The following PCDH15 variants were observed in gnomAD, a reference collection of about 807,000 sequenced individuals.
The protein encoded by PCDH15 is protocadherin-15.
A neutral mutation model predicts 178.5 loss-of-function variants in PCDH15; 129 were observed. The observed-to-expected ratio is 0.72, with a 90% CI of 0.63 to 0.84. The LOEUF is 0.84. Ranked by LOEUF, PCDH15 falls within the 40% of genes least tolerant of loss-of-function variation. PCDH15 has a pLI of 0.00. For missense variants in PCDH15, 2,230 were observed against 2,099.9 expected, an observed-to-expected ratio of 1.06 and a Z score of -1.21; for synonymous variants, 800 against 732.0, an observed-to-expected ratio of 1.09 and a Z score of -1.50.
chr10:54,062,592 T>C lies in PCDH15; in HGVS notation c.2220+4165A>G, dbSNP rs566134451. On this transcript the variant is annotated intron_variant, in intron 18 of 37. Transcript: ENST00000644397. ...GATGTCTTCCTCTTCCTTTTTGCTTTCAACATCGTTTTAGTTTTTATGAAA... is the reference window on the plus strand; with the variant it reads ...GATGTCTTCCTCTTCCTTTTTGCTTCCAACATCGTTTTAGTTTTTATGAAA... Among the ~76,000 whole-genome samples the C allele has an allele frequency of 2.0e-5, 3 of 152,248 alleles. No individual in the cohort carries two copies. In the South Asian group the frequency reaches 6.2e-4, roughly 32 times the overall value.
chr10:54,631,028 A>T (rs1164240841), intron 2 of PCDH15, among the ~76,000 whole-genome samples: 2 of 152,184 alleles, frequency 1.3e-5, no homozygotes, highest in Non-Finnish European at 2.9e-5. Flanking sequence ...TATACTTTGA[A>T]TATATGTCCC....
intron 2 of PCDH15, among the ~76,000 whole-genome samples, chr10:55,560,260 C>T (rs530268988): frequency 6.6e-6 from 1 of 151,992 alleles, no homozygotes; most frequent in East Asian, 1.9e-4. Flanking sequence ...GAACACAAAG[C>T]AGCACTTGAT....
intron 6 of PCDH15, among the ~76,000 whole-genome samples, chr10:54,345,465 G>T (rs1007173611): frequency 7.9e-5 from 12 of 152,048 alleles, no homozygotes; most frequent in Non-Finnish European, 1.6e-4. Flanking sequence ...TGCTTTGGGG[G>T]GCCCGTGGGA....
intron 25 of PCDH15, among the ~76,000 whole-genome samples, chr10:53,918,269 T>C (rs892618364): frequency 2.0e-5 from 3 of 152,176 alleles, no homozygotes; most frequent in Admixed American, 2.0e-4. Context: ...ATAGGTATTT[T>C]CATTCTGCTT....
intron 11 of PCDH15, among the ~76,000 whole-genome samples, chr10:54,194,869 C>G (rs1421879143): frequency 6.6e-6 from 1 of 152,092 alleles, no homozygotes; most frequent in Non-Finnish European, 1.5e-5. Flanking sequence ...AAGACAGGCA[C>G]TCAATGGGAC....
At chr10:54,374,164 G>A (rs1309920602) in intron 4 of PCDH15, among the ~76,000 whole-genome samples, 2 of 152,010 alleles carry the variant, frequency 1.3e-5, no homozygotes, top group African/African-American at 2.4e-5. Context: ...GTTTATATGA[G>A]TGATGACTAA....
chr10:55,220,264 T>C (rs1564903979), intron 1 of PCDH15, among the ~76,000 whole-genome samples: 1 of 152,150 alleles, frequency 6.6e-6, no homozygotes, highest in African/African-American at 2.4e-5. Flanking sequence ...GATAACCTGA[T>C]GTTTCCATAT....
At chr10:54,714,084 C>CT (rs1566013739) in intron 1 of PCDH15, among the ~76,000 whole-genome samples, 1 of 152,054 alleles carries the variant, frequency 6.6e-6, no homozygotes, top group East Asian at 1.9e-4. Context: ...GTAGCAGCCC[C>CT]TTTATTCTTC....
intron 3 of PCDH15, among the ~76,000 whole-genome samples, chr10:54,853,376 T>TAC (rs1413349084): frequency 8.2e-6 from 1 of 122,142 alleles, no homozygotes; most frequent in Non-Finnish European, 1.6e-5. Flanking sequence ...CATATATATA[T>TAC]ACACATACAT....
chr10:55,573,232 C>CAA (rs1371748418), intron 2 of PCDH15, among the ~76,000 whole-genome samples: 1 of 151,964 alleles, frequency 6.6e-6, no homozygotes, highest in African/African-American at 2.4e-5. Flanking sequence ...GTTAAAGCAA[C>CAA]AAAGGTAAAT....
intron 1 of PCDH15, among the ~76,000 whole-genome samples, chr10:54,729,146 A>T (rs1261691798): frequency 6.6e-6 from 1 of 151,820 alleles, no homozygotes; most frequent in Non-Finnish European, 1.5e-5. Flanking sequence ...AGTTGAAAGC[A>T]TCACACTACC....
At chr10:54,134,752 C>CA (rs1483094751) in intron 14 of PCDH15, among the ~76,000 whole-genome samples, 1,738 of 128,788 alleles carry the variant, frequency 0.013, 37 homozygotes, top group African/African-American at 0.048. Context: ...GACTCCGTCT[C>CA]AAAAAAAGAA....
At chr10:55,486,451 AT>A (rs1312794675) in intron 2 of PCDH15, among the ~76,000 whole-genome samples, 8 of 138,018 alleles carry the variant, frequency 5.8e-5, no homozygotes, top group Non-Finnish European at 9.4e-5. Context: ...AAATATAATA[AT>A]TTATATGTTG....
At chr10:54,896,940 A>G (rs531237820) in intron 3 of PCDH15, among the ~76,000 whole-genome samples, 2 of 152,314 alleles carry the variant, frequency 1.3e-5, no homozygotes, top group South Asian at 4.1e-4. Flanking sequence ...GAGAATAAAG[A>G]GCCATACACA....
chr10:54,410,490 T>G (rs953385266), intron 3 of PCDH15, among the ~76,000 whole-genome samples: 8 of 152,176 alleles, frequency 5.3e-5, no homozygotes, highest in African/African-American at 1.9e-4. Context: ...TAGTTGGGAA[T>G]ATTCTAACAG....
At chr10:55,374,656 T>C (rs993142728) in intron 2 of PCDH15, among the ~76,000 whole-genome samples, 3 of 152,024 alleles carry the variant, frequency 2.0e-5, no homozygotes, top group African/African-American at 7.2e-5. Flanking sequence ...TATTAGTATA[T>C]GTAAAAATAA....
chr10:55,615,586 T>C (rs996700634), intron 2 of PCDH15, among the ~76,000 whole-genome samples: 1 of 152,012 alleles, frequency 6.6e-6, no homozygotes, highest in Non-Finnish European at 1.5e-5. Context: ...CAGAAGAAAA[T>C]AATGGTGGCT....
chr10:55,573,306 A>G (rs1191574865), intron 2 of PCDH15, among the ~76,000 whole-genome samples: 1 of 152,106 alleles, frequency 6.6e-6, no homozygotes, highest in Non-Finnish European at 1.5e-5. Flanking sequence ...AAAGAAATTG[A>G]TGGACCATCT....
At chr10:55,199,979 G>A (rs553981439) in intron 1 of PCDH15, among the ~76,000 whole-genome samples, 1 of 152,250 alleles carries the variant, frequency 6.6e-6, no homozygotes, top group African/African-American at 2.4e-5. Context: ...CAGGGGTGGA[G>A]CCTTCATGGA....
Sources: gnomAD v4.1 joint callset for allele counts (sites outside exome capture counted in the v4.1 genomes callset) on GRCh38, gnomAD v4.1.1 for gene constraint, MANE v1.5 for transcripts, NCBI Gene and HGNC (gene_info 2026-07-23, HGNC 2026-07-21) for gene names.